The following PCDHGB1 variants were observed in gnomAD, a reference collection of about 807,000 sequenced individuals.
PCDHGB1 encodes the protein protocadherin gamma subfamily B, 1.
Under a neutral mutation model 56.6 loss-of-function variants are expected in PCDHGB1, and 34 were observed. That is an observed-to-expected ratio of 0.60 (90% CI 0.46 to 0.80). The LOEUF is 0.80. PCDHGB1 is among the 30% of genes least tolerant of loss of function. The pLI is 0.00. For missense variants in PCDHGB1, 1,278 were observed against 1,204.6 expected (o/e 1.06, Z -0.90); for synonymous variants, 561 against 505.9 (o/e 1.11, Z -1.46).
At chr5:141,438,883 C>T (rs1026043786) in intron 1 of PCDHGB1, among the ~76,000 whole-genome samples, 4 of 151,728 alleles carry the variant, frequency 2.6e-5, no homozygotes, top group Non-Finnish European at 5.9e-5. Context: ...CCAGGCTGCT[C>T]TTGAACTCCT....
chr5:141,394,022 A>G (rs1210359800), intron 1 of PCDHGB1: 1 of 1,613,552 alleles, frequency 6.2e-7, no homozygotes, highest in South Asian at 1.1e-5. Flanking sequence ...ATTATTATAG[A>G]TTAGTGACAA....
At chr5:141,457,537 T>A (rs967428207) in intron 1 of PCDHGB1, among the ~76,000 whole-genome samples, 2 of 152,228 alleles carry the variant, frequency 1.3e-5, no homozygotes, top group Admixed American at 6.5e-5. Flanking sequence ...TAGGGTTTAA[T>A]GACAAATGTA....
At position 141,415,039 on chromosome 5, in the gene PCDHGB1, G is replaced by T. The variant is rs761101620; in HGVS notation, c.2409+62370G>T. ...CAAGGCCAGCGAGCCGGGACTCTTC[G>T]CGGTGGGGGAGCACACGGGCGAGGT... On this transcript the variant is annotated intron_variant, in intron 1 of 3. Transcript: ENST00000523390. The T allele has an allele frequency of 3.1e-6, 5 of 1,613,342 alleles. No homozygotes were observed. The highest frequency in any genetic ancestry group is 3.4e-6 in the Non-Finnish European group (4 of 1,179,934).
intron 1 of PCDHGB1, chr5:141,427,689 A>C (rs3749765): frequency 0.15 from 132,103 of 873,882 alleles, 11,769 homozygotes; most frequent in African/African-American, 0.33. Flanking sequence ...CGGAGCCTCC[A>C]TCCCACAAGT....
At chr5:141,504,517 T>C (rs1057166865) in intron 2 of PCDHGB1, among the ~76,000 whole-genome samples, 5 of 151,918 alleles carry the variant, frequency 3.3e-5, no homozygotes, top group African/African-American at 1.2e-4. Context: ...TCTCCTCTGA[T>C]ATATTTTATT....
rs560197175 is a variant in PCDHGB1, at chr5:141,434,430, G to A, written c.2410-60377G>A. Among the ~76,000 whole-genome samples the A allele has an allele frequency of 2.4e-4, 36 of 152,326 alleles. 1 individual carries two copies. In the South Asian group the frequency reaches 6.4e-3, roughly 27 times the overall value. On this transcript the variant is annotated intron_variant, in intron 1 of 3. Coordinates refer to ENST00000523390, the MANE Select transcript of PCDHGB1 (RefSeq NM_018922.3). ...GCACTGTGACATGTTCATGATGGCC[G>A]TAATGCCCATGCTGGAAGGTAGTGG...
At chr5:141,423,927 T>G (rs2096791636) in intron 1 of PCDHGB1, 4 of 1,240,434 alleles carry the variant, frequency 3.2e-6, no homozygotes, top group Non-Finnish European at 4.1e-6. Flanking sequence ...TATGCTGGTT[T>G]GGTTTGAAGT....
intron 1 of PCDHGB1, chr5:141,413,625 C>T (rs372855865): frequency 1.2e-6 from 2 of 1,613,854 alleles, no homozygotes; most frequent in Admixed American, 3.3e-5. Context: ...ATGAAAATGT[C>T]GCTGCGGGAA....
chr5:141,366,656 G>T lies in PCDHGB1; in HGVS notation c.2409+13987G>T, dbSNP rs377532961. On this transcript the variant is annotated intron_variant, in intron 1 of 3. Transcript: ENST00000523390. Reference sequence around the variant, plus strand: ...CCTGATCTTTCCCCAGCCCAACTACGCAGACACGCTCCTTAGTGAAGAGAG... The same window carrying T: ...CCTGATCTTTCCCCAGCCCAACTACTCAGACACGCTCCTTAGTGAAGAGAG... The T allele has an allele frequency of 2.9e-5, 47 of 1,614,238 alleles. No individual in the cohort carries two copies. Among genetic ancestry groups the T allele is most frequent in the Non-Finnish European group, 3.7e-5 (44 of 1,180,046 alleles).
chr5:141,395,066 G>GACC, intron 1 of PCDHGB1: 1 of 1,614,136 alleles, frequency 6.2e-7, no homozygotes, highest in Non-Finnish European at 8.5e-7. Flanking sequence ...CTTTCCTGCA[G>GACC]ACCTATTCCC....
intron 1 of PCDHGB1, chr5:141,370,671 G>T (rs1767112872): frequency 2.5e-6 from 4 of 1,613,888 alleles, no homozygotes; most frequent in Non-Finnish European, 3.4e-6. Context: ...TATAGACCGA[G>T]AGGAGATTTG....
intron 1 of PCDHGB1, chr5:141,389,114 C>A: frequency 1.2e-6 from 2 of 1,614,004 alleles, no homozygotes; most frequent in Non-Finnish European, 1.7e-6. Flanking sequence ...TTCTAGACCG[C>A]GAGCAGAATC....
At chr5:141,415,824 CT>C (rs1412807947) in intron 1 of PCDHGB1, 8 of 1,306,364 alleles carry the variant, frequency 6.1e-6, no homozygotes, top group Non-Finnish European at 7.8e-6. Flanking sequence ...TATCATAAGG[CT>C]TTGTTATGAT....
rs1228384684 is a variant in PCDHGB1 at position 141,432,189 on chromosome 5, A to G, written c.2410-62618A>G. On this transcript the variant is annotated intron_variant, in intron 1 of 3. Coordinates refer to ENST00000523390, the MANE Select transcript of PCDHGB1 (RefSeq NM_018922.3). This position sits in a 1 kb window ranked among gnomAD's most constrained non-coding sequence, Gnocchi z 6.0. The stretch of plus-strand genomic sequence containing the variant: ...GTTTCCCTCGTCTCTGTGACCGCCC[A>G]CGACCCCGACTGTGAAGAGAACGCC... 6.2e-6 allele frequency: 10 copies of G among 1,613,964 alleles called. No homozygotes were observed. Among genetic ancestry groups the G allele is most frequent in the African/African-American group, 1.3e-5 (1 of 74,878 alleles).
chr5:141,376,542 C>A, intron 1 of PCDHGB1: 1 of 1,612,918 alleles, frequency 6.2e-7, no homozygotes, highest in Non-Finnish European at 8.5e-7. Flanking sequence ...GAAGAGTAAT[C>A]TGATCTTCCC....
chr5:141,412,805 A>G (rs2095578499), intron 1 of PCDHGB1, among the ~76,000 whole-genome samples: 1 of 152,246 alleles, frequency 6.6e-6, no homozygotes, highest in Non-Finnish European at 1.5e-5. Context: ...ACCTCCCCTA[A>G]GAAACCTACA....
chr5:141,497,960 C>T (rs946836523), intron 2 of PCDHGB1, among the ~76,000 whole-genome samples: 24 of 152,202 alleles, frequency 1.6e-4, no homozygotes, highest in African/African-American at 5.8e-4. Flanking sequence ...GTTGGCCAGG[C>T]AGTGTTCTCG....
chr5:141,464,622 CT>C (rs947370342), intron 1 of PCDHGB1, among the ~76,000 whole-genome samples: 8 of 152,058 alleles, frequency 5.3e-5, no homozygotes, highest in African/African-American at 1.9e-4. Flanking sequence ...TATTGTCAAG[CT>C]TTTTAATTGT....
intron 2 of PCDHGB1, among the ~76,000 whole-genome samples, chr5:141,495,725 C>G (rs1339925752): frequency 1.3e-5 from 2 of 151,986 alleles, no homozygotes; most frequent in African/African-American, 4.8e-5. Flanking sequence ...TACACGGGAC[C>G]CTTAGTCTCT....
Sources: gnomAD v4.1 joint callset for allele counts (sites outside exome capture counted in the v4.1 genomes callset) on GRCh38, gnomAD v4.1.1 for gene constraint, Gnocchi (gnomAD v3.1) non-coding constraint, MANE v1.5 for transcripts, NCBI Gene and HGNC (gene_info 2026-07-23, HGNC 2026-07-21) for gene names.